Variants in NTRK3 observed in about 807,000 individuals in gnomAD.
NTRK3 encodes the protein neurotrophic receptor tyrosine kinase 3.
Under a neutral mutation model 91.7 loss-of-function variants are expected in NTRK3, and 24 were observed. The observed-to-expected ratio is 0.26, with a 90% confidence interval of 0.19 to 0.37. The LOEUF is 0.37. Ranked by LOEUF, NTRK3 falls within the 10% of genes least tolerant of loss-of-function variation. NTRK3 has a pLI of 1.00. For synonymous variants in NTRK3, 483 were observed against 404.0 expected, an observed-to-expected ratio of 1.20 and a Z score of -2.34; for missense variants, 880 against 1,068.9, an observed-to-expected ratio of 0.82 and a Z score of 2.46.
chr15:88,156,948 A>G (rs923195112), intron 5 of NTRK3, among the ~76,000 whole-genome samples: 2 of 152,272 alleles, frequency 1.3e-5, no homozygotes, highest in Admixed American at 1.3e-4. Flanking sequence ...CACTGGAAGG[A>G]AGCATTTCTT....
intron 13 of NTRK3, among the ~76,000 whole-genome samples, chr15:88,096,255 G>A (rs926908860): frequency 2.0e-5 from 3 of 152,014 alleles, no homozygotes; most frequent in Non-Finnish European, 4.4e-5. Context: ...CTCTCCTCCA[G>A]GCCTTATTAC....
rs367823118 is a variant in NTRK3, at chr15:87,909,894, C to T, written c.2133+19297G>A. 7.9e-5 allele frequency among the ~76,000 whole-genome samples: 12 copies of T among 152,230 alleles called. 1 individual carries two copies. Among genetic ancestry groups the T allele is most frequent in the African/African-American group, 2.9e-4 (12 of 41,464 alleles). On this transcript the variant is annotated intron_variant, in intron 17 of 18. Transcript: ENST00000394480. ...CCTCTGAATGAATGAACCCTGTTGG[C>T]ACCTTGGTCTTGAACTTCCAGCCTC...
At chr15:87,969,343 G>A (rs540103962) in intron 14 of NTRK3, among the ~76,000 whole-genome samples, 1 of 152,136 alleles carries the variant, frequency 6.6e-6, no homozygotes, top group Non-Finnish European at 1.5e-5. Flanking sequence ...CTCCTGCTTT[G>A]TGCAAATATC....
At chr15:87,915,823 G>GT (rs369369075) in intron 17 of NTRK3, among the ~76,000 whole-genome samples, 44 of 150,466 alleles carry the variant, frequency 2.9e-4, no homozygotes, top group Middle Eastern at 3.4e-3. Context: ...AGAAGAAATT[G>GT]TTTTTTTTTC....
chr15:88,241,797 C>T lies in NTRK3; in HGVS notation c.248+14109G>A, dbSNP rs1001170968. Among the ~76,000 whole-genome samples the T allele has an allele frequency of 1.3e-5, 2 of 152,320 alleles. No homozygotes were observed. Among genetic ancestry groups the T allele is most frequent in the Non-Finnish European group, 2.9e-5 (2 of 68,024 alleles). ...GACTTTTCTGCCGAGAACATGGCCC[C>T]GGGAATGGACGGAATCTGCCGTGCA... On this transcript the variant is annotated intron_variant, in intron 3 of 18. Coordinates refer to ENST00000394480, the Ensembl canonical transcript of NTRK3. This position sits in a 1 kb window ranked among gnomAD's most constrained non-coding sequence, Gnocchi z 4.3.
At chr15:88,081,098 G>T (rs2048002318) in intron 13 of NTRK3, among the ~76,000 whole-genome samples, 1 of 152,182 alleles carries the variant, frequency 6.6e-6, no homozygotes, top group African/African-American at 2.4e-5. Context: ...ATTGGCAAAG[G>T]GCAGCTGCTT....
At chr15:87,969,106 T>A (rs147958955) in intron 14 of NTRK3, among the ~76,000 whole-genome samples, 2 of 152,108 alleles carry the variant, frequency 1.3e-5, no homozygotes, top group African/African-American at 4.8e-5. Context: ...AGAAGAGGCA[T>A]AGGACAATTG....
At chr15:87,956,243 C>T (rs377625162) in intron 14 of NTRK3, among the ~76,000 whole-genome samples, 9 of 152,334 alleles carry the variant, frequency 5.9e-5, no homozygotes, top group Admixed American at 4.6e-4. Context: ...CTGCAAGTTA[C>T]TCCAGGTACG....
chr15:88,000,577 T>C (rs1263938866), intron 14 of NTRK3, among the ~76,000 whole-genome samples: 1 of 152,240 alleles, frequency 6.6e-6, no homozygotes, highest in African/African-American at 2.4e-5. Context: ...GATTTGCTTA[T>C]TCTGGACAAA....
At chr15:88,159,365 T>C (rs1195727325) in intron 5 of NTRK3, among the ~76,000 whole-genome samples, 1 of 152,138 alleles carries the variant, frequency 6.6e-6, no homozygotes, top group African/African-American at 2.4e-5. Flanking sequence ...TGAGAAAGCA[T>C]TGAGGGGAGA....
intron 14 of NTRK3, among the ~76,000 whole-genome samples, chr15:87,968,722 A>T (rs139902291): frequency 0.021 from 3,122 of 152,280 alleles, 56 homozygotes; most frequent in Non-Finnish European, 0.033. Context: ...TGTCAAGGGT[A>T]TGCAAAAACA....
intron 14 of NTRK3, chr15:87,978,121 C>T (rs1005365186): frequency 2.2e-5 from 5 of 230,588 alleles, no homozygotes; most frequent in East Asian, 6.2e-5. Flanking sequence ...TCAGCAAATA[C>T]GGGAGAGTTT....
intron 13 of NTRK3, among the ~76,000 whole-genome samples, chr15:88,118,309 C>T (rs529117720): frequency 1.3e-5 from 2 of 152,224 alleles, no homozygotes; most frequent in Middle Eastern, 3.4e-3. Context: ...ATGCCTCTTC[C>T]GCGCAAGTGA....
At chr15:87,906,017 C>T (rs1244536966) in intron 17 of NTRK3, among the ~76,000 whole-genome samples, 2 of 152,218 alleles carry the variant, frequency 1.3e-5, no homozygotes. Context: ...CAAATCAGCC[C>T]ACACATGGGA....
chr15:87,925,640 C>G (rs1430853883), intron 17 of NTRK3: 1 of 203,804 alleles, frequency 4.9e-6, no homozygotes, highest in Admixed American at 6.0e-5. Flanking sequence ...TCAGAGCATT[C>G]CTCCAAGGCC....
At position 88,243,801 on chromosome 15, in the gene NTRK3, T is replaced by C. The variant is rs529627341; in HGVS notation, c.248+12105A>G. Among the ~76,000 whole-genome samples the C allele has an allele frequency of 2.6e-5, 4 of 152,296 alleles. No homozygotes were observed. Among genetic ancestry groups the C allele is most frequent in the African/African-American group, 9.6e-5 (4 of 41,566 alleles). On this transcript the variant is annotated intron_variant, in intron 3 of 18. Coordinates refer to ENST00000394480, the Ensembl canonical transcript of NTRK3. This position sits in a 1 kb window ranked among gnomAD's most constrained non-coding sequence, Gnocchi z 4.8. The stretch of plus-strand genomic sequence containing the variant: ...CTCTGGTTTTTAGGTGCCAGGATTG[T>C]TTCATCACAATCAACTTAGTCAGTT...
intron 6 of NTRK3, among the ~76,000 whole-genome samples, chr15:88,143,385 G>A (rs926577194): frequency 1.1e-4 from 17 of 152,196 alleles, no homozygotes; most frequent in Admixed American, 2.6e-4. Flanking sequence ...GGGTTCTCCC[G>A]CAGAGCCTTT....
intron 13 of NTRK3, among the ~76,000 whole-genome samples, chr15:88,038,228 A>AT (rs57738484): frequency 0.15 from 23,075 of 152,176 alleles, 2,496 homozygotes; most frequent in African/African-American, 0.31. Flanking sequence ...CTTCTGATGT[A>AT]TGTCACTGCT....
At chr15:87,977,484 T>C (rs2073825603) in intron 14 of NTRK3, 1 of 222,116 alleles carries the variant, frequency 4.5e-6, no homozygotes, top group East Asian at 6.5e-5. Context: ...GAATAAAAGA[T>C]GCTGGGATGG....
Sources: allele counts gnomAD v4.1 joint callset (sites outside exome capture counted in the v4.1 genomes callset), GRCh38; gene constraint gnomAD v4.1.1; non-coding constraint Gnocchi (gnomAD v3.1); transcripts MANE v1.5; gene names NCBI Gene and HGNC (gene_info 2026-07-23, HGNC 2026-07-21).